Variants in ARFGEF3 observed in about 807,000 individuals in gnomAD.
The protein encoded by ARFGEF3 is brefeldin A-inhibited guanine nucleotide-exchange protein 3.
Under a neutral mutation model 221.7 loss-of-function variants are expected in ARFGEF3, and 96 were observed. The observed-to-expected ratio is 0.43, with a 90% CI of 0.37 to 0.51. The LOEUF is 0.51. Ranked by LOEUF, ARFGEF3 falls within the 20% of genes least tolerant of loss-of-function variation. The pLI is 0.00. For missense variants in ARFGEF3, 2,410 were observed against 2,789.9 expected (o/e 0.86, Z 3.07); for synonymous variants, 1,145 against 1,126.8 (o/e 1.02, Z -0.32).
At chr6:138,274,258 C>G (rs1046546161) in intron 12 of ARFGEF3, among the ~76,000 whole-genome samples, 2 of 152,124 alleles carry the variant, frequency 1.3e-5, no homozygotes, top group Non-Finnish European at 2.9e-5. Flanking sequence ...TTGATAGACT[C>G]AATTGTACCT....
chr6:138,292,003 C>G lies in ARFGEF3; in HGVS notation c.3318C>G (p.Ser1106Arg). 6.5e-7 allele frequency: 1 copy of G among 1,530,542 alleles called. No individual in the cohort carries two copies. Among genetic ancestry groups the G allele is most frequent in the South Asian group, 1.2e-5 (1 of 82,346 alleles). 94.8% of individuals were successfully genotyped at this position (1,530,542 alleles called of 1,614,324 possible). A position where few individuals can be genotyped will look rare whatever the true frequency, so the allele number is the denominator to read the frequency against. Residue 1106 changes from serine to arginine, a missense_variant, in exon 19 of 34, where the codon AGC (serine) becomes AGG (arginine). By Grantham distance (110) the Ser-to-Arg change is moderately radical. This residue lies in a region of ARFGEF3 where 184 missense variants were observed against 141.8 expected (regional missense o/e 1.30). Transcript: ENST00000251691. ...ASDFRGGSLM[S>R]GSSAAKVVLT... ...ACTTCCGCGGCGGGAGCCTCATGAG[C>G]GGGAGCAGCGCGGCCAAGGTGGTGC...
intron 7 of ARFGEF3, among the ~76,000 whole-genome samples, 185 bp from the exon 8 acceptor site, chr6:138,245,328 A>G (rs1271875183): frequency 6.6e-6 from 1 of 152,194 alleles, no homozygotes; most frequent in African/African-American, 2.4e-5. Context: ...AAACAAAAGA[A>G]TAATCACACT....
intron 2 of ARFGEF3, among the ~76,000 whole-genome samples, chr6:138,206,643 G>A (rs1777628816): frequency 6.6e-6 from 1 of 152,192 alleles, no homozygotes; most frequent in Non-Finnish European, 1.5e-5. Context: ...AGAGGTAGAA[G>A]CAAGGCATAG....
intron 2 of ARFGEF3, among the ~76,000 whole-genome samples, chr6:138,188,590 C>A (rs1156656006): frequency 6.6e-6 from 1 of 152,214 alleles, no homozygotes; most frequent in African/African-American, 2.4e-5. Flanking sequence ...CAGCCAATTG[C>A]CAATGTATTG....
intron 2 of ARFGEF3, among the ~76,000 whole-genome samples, chr6:138,172,345 G>A (rs1040865626): frequency 2.0e-5 from 3 of 152,246 alleles, no homozygotes; most frequent in East Asian, 1.9e-4. Flanking sequence ...CAAAACTGAC[G>A]TTGCCACGTC....
chr6:138,216,682 A>C (rs773376688), intron 4 of ARFGEF3: 1 of 152,230 alleles, frequency 6.6e-6, no homozygotes, highest in Non-Finnish European at 1.5e-5. Context: ...TGCTGCTTAT[A>C]ACAGGGAGAA....
At position 138,255,559 on chromosome 6, in the gene ARFGEF3, G is replaced by A. The variant is rs368136765; in HGVS notation, c.894G>A (p.Val298=). The change falls in exon 10 of 34, where the codon GTG becomes GTA. Residue 298 remains valine (V), a synonymous_variant. Coordinates refer to ENST00000251691, the MANE Select transcript of ARFGEF3 (RefSeq NM_020340.5). The part of the protein sequence containing the change: ...SLESDSASPG[V]SDHGRGSGCS... Reference sequence around the variant, plus strand: ...AGTCGGACTCTGCGTCTCCGGGAGTGTCTGACCACGGCCGAGGATCAGGCT... The same window carrying A: ...AGTCGGACTCTGCGTCTCCGGGAGTATCTGACCACGGCCGAGGATCAGGCT... 3 of 1,613,922 alleles carry A rather than the reference G, an allele frequency of 1.9e-6. No individual in the cohort carries two copies. The highest frequency in any genetic ancestry group is 2.5e-6 in the Non-Finnish European group (3 of 1,179,904).
At position 138,311,401 on chromosome 6, in the gene ARFGEF3, C is replaced by T; in HGVS notation, c.4097-6C>T. The T allele has an allele frequency of 2.5e-6, 4 of 1,593,852 alleles. No homozygotes were observed. Among genetic ancestry groups the T allele is most frequent in the Non-Finnish European group, 3.4e-6 (4 of 1,169,160 alleles). The stretch of plus-strand genomic sequence containing the variant: ...TGTTGGTCTCTGTCTCCCGTGCCGC[C>T]CCTAGGGGAGGTGGACTGTAAAGAG... On this transcript the variant is annotated splice_polypyrimidine_tract_variant and splice_region_variant and intron_variant, in intron 24 of 33. Coordinates refer to ENST00000251691, the MANE Select transcript of ARFGEF3 (RefSeq NM_020340.5).
intron 10 of ARFGEF3, among the ~76,000 whole-genome samples, chr6:138,259,672 G>A (rs954381191): frequency 6.6e-6 from 1 of 152,178 alleles, no homozygotes; most frequent in African/African-American, 2.4e-5. Flanking sequence ...ATTATCTTGG[G>A]AGGCCAAGTT....
intron 22 of ARFGEF3, among the ~76,000 whole-genome samples, chr6:138,306,770 TAA>T (rs11331373): frequency 6.7e-6 from 1 of 149,560 alleles, no homozygotes; most frequent in African/African-American, 2.5e-5. Context: ...CTCACCATGC[TAA>T]AAAAAAAATT....
Position 138,339,411 on chromosome 6 carries a change from C to A in ARFGEF3, c.*2925C>A, listed in dbSNP as rs1424337286. On this transcript the variant is annotated 3_prime_UTR_variant, in exon 34 of 34. Transcript: ENST00000251691. ...AGTCTCTTTTGCAGCAACAGTAAGA[C>A]AAAATTCAAGGCAGCCTTTTAAAGT... 6.6e-6 allele frequency: 1 copy of A among 152,146 alleles called. No individual in the cohort carries two copies. Among genetic ancestry groups the A allele is most frequent in the African/African-American group, 2.4e-5 (1 of 41,438 alleles). 9.4% of individuals were successfully genotyped at this position (152,146 alleles called of 1,614,324 possible).
intron 14 of ARFGEF3, among the ~76,000 whole-genome samples, chr6:138,285,212 C>A (rs1445979332): frequency 6.6e-6 from 1 of 151,864 alleles, no homozygotes; most frequent in African/African-American, 2.4e-5. Flanking sequence ...GCCTGTAATC[C>A]CAGCACTTTG....
At chr6:138,325,851 GTTGTTGT>G (rs943730482) in intron 31 of ARFGEF3, among the ~76,000 whole-genome samples, 1 of 151,312 alleles carries the variant, frequency 6.6e-6, no homozygotes, top group African/African-American at 2.4e-5. Flanking sequence ...TTTTGTTGTT[GTTGTTGT>G]TTGTTTGTTT....
intron 1 of ARFGEF3, among the ~76,000 whole-genome samples, chr6:138,164,320 A>G (rs929839816): frequency 1.3e-5 from 2 of 152,188 alleles, no homozygotes; most frequent in Admixed American, 1.3e-4. Context: ...ACCAAGATTC[A>G]ACAATCTAGT....
chr6:138,176,952 A>G (rs1035049096), intron 2 of ARFGEF3, among the ~76,000 whole-genome samples: 1 of 150,482 alleles, frequency 6.6e-6, no homozygotes. Context: ...ATTTTCTTCT[A>G]TCTAAGAGGT....
In ARFGEF3 at chr6:138,291,888, A is replaced by G. The variant is rs772614251; in HGVS notation, c.3203A>G (p.Glu1068Gly). 3 of 1,497,366 alleles carry G rather than the reference A, an allele frequency of 2.0e-6. No individual in the cohort carries two copies. The highest frequency in any genetic ancestry group is 2.5e-5 in the South Asian group (2 of 78,444). The allele number at this position is 1,497,366 out of a possible 1,614,324, so 92.8% of individuals were successfully genotyped here. ...CEGSPPEHSP[E>G]QGRSLSTAPV... is the part of the protein sequence containing the mutation. ...GGCTCGCCCCCCGAGCACAGCCCGG[A>G]GCAGGGGCGCTCCCTGAGCACGGCC... The change falls in exon 19 of 34, where the codon GAG (glutamate) becomes GGG (glycine). Residue 1068 changes from glutamate (E) to glycine (G), a missense_variant. By Grantham distance (98) the Glu-to-Gly change is moderately conservative (BLOSUM62 -2). Transcript: ENST00000251691. This position sits in a 1 kb window ranked among gnomAD's most constrained non-coding sequence, Gnocchi z 4.5.
intron 7 of ARFGEF3, 72 bp from the exon 8 acceptor site, chr6:138,245,441 G>T: frequency 9.7e-7 from 1 of 1,026,674 alleles, no homozygotes; most frequent in Admixed American, 2.0e-5. Context: ...GTGGAGGATG[G>T]GAAGGATGGT....
In ARFGEF3 at chr6:138,299,444, CA is replaced by C. The variant is rs1481940149; in HGVS notation, c.3828+661del. Among the ~76,000 whole-genome samples, 5 of 152,222 alleles carry C rather than the reference CA, an allele frequency of 3.3e-5. No homozygotes were observed. In the South Asian group the frequency reaches 8.3e-4, roughly 25 times the overall value. Reference sequence around the variant, plus strand: ...CTGCTGCCATACTGTCTACTGAAGGCAAGGTAAAGAAACTAACTGGAGACTT... The same window carrying C: ...CTGCTGCCATACTGTCTACTGAAGGCAGGTAAAGAAACTAACTGGAGACTT... On this transcript the variant is annotated intron_variant, in intron 22 of 33. Transcript: ENST00000251691.
chr6:138,336,253 C>A, intron 33 of ARFGEF3, 42 bp from the exon 34 acceptor site: 1 of 1,441,754 alleles, frequency 6.9e-7, no homozygotes. Context: ...CAAATAAAAC[C>A]AGGGGGGAAA....
Sources: allele counts gnomAD v4.1 joint callset (sites outside exome capture counted in the v4.1 genomes callset), GRCh38; gene constraint gnomAD v4.1.1; regional missense constraint gnomAD v4.1.1; non-coding constraint Gnocchi (gnomAD v3.1); transcripts MANE v1.5; gene names NCBI Gene and HGNC (gene_info 2026-07-23, HGNC 2026-07-21).